ANK2: variants seen among roughly 807,000 people sequenced by gnomAD.
ANK2 encodes the protein ankyrin-2.
A neutral mutation model predicts 360.5 loss-of-function variants in ANK2; 83 were observed. The observed-to-expected ratio is 0.23, with a 90% CI of 0.19 to 0.28. The LOEUF is 0.28. Ranked by LOEUF, ANK2 falls within the 10% of genes least tolerant of loss-of-function variation. The pLI is 1.00. For missense variants in ANK2, 4,201 were observed against 4,795.7 expected, an observed-to-expected ratio of 0.88 and a Z score of 3.66; for synonymous variants, 1,740 against 1,759.5, an observed-to-expected ratio of 0.99 and a Z score of 0.28.
chr4:112,793,510 A>G, the ANK2 span, among the ~76,000 whole-genome samples: 1 of 152,234 alleles, frequency 6.6e-6, no homozygotes, highest in East Asian at 1.9e-4. Context: ...AACCCCTGTT[A>G]ATAATTTTGT....
intron 10 of ANK2, among the ~76,000 whole-genome samples, chr4:113,251,864 T>G (rs750875925): frequency 1.3e-5 from 2 of 152,038 alleles, no homozygotes; most frequent in African/African-American, 2.4e-5. Context: ...AAAATAGAGA[T>G]ATGTATAGGG....
intron 1 of ANK2, among the ~76,000 whole-genome samples, chr4:112,831,054 C>T (rs545669376): frequency 1.1e-4 from 16 of 152,360 alleles, no homozygotes; most frequent in African/African-American, 3.8e-4. Context: ...TAGGGCAGGG[C>T]TCGGGACCTG....
intron 1 of ANK2, among the ~76,000 whole-genome samples, chr4:113,086,857 C>T (rs537541663): frequency 2.2e-4 from 33 of 152,208 alleles, no homozygotes; most frequent in Admixed American, 1.8e-3. Flanking sequence ...ACTCGCTTGG[C>T]ATGCTGGAGG....
chr4:113,333,247 G>A (rs374897538), intron 29 of ANK2, 39 bp downstream of exon 29: 242 of 1,611,562 alleles, frequency 1.5e-4, no homozygotes, highest in Non-Finnish European at 2.0e-4. Flanking sequence ...AATCTAAACT[G>A]GAAGCATGAA....
At chr4:112,845,297 A>G (rs555001461) in intron 1 of ANK2, among the ~76,000 whole-genome samples, 1 of 148,938 alleles carries the variant, frequency 6.7e-6, no homozygotes, top group African/African-American at 2.5e-5. Context: ...GGGCTCAAAT[A>G]TTGATGAACA....
intron 2 of ANK2, among the ~76,000 whole-genome samples, chr4:112,950,975 G>A (rs2094928165): frequency 6.7e-6 from 1 of 148,458 alleles, no homozygotes; most frequent in Non-Finnish European, 1.5e-5. Flanking sequence ...CCAGCTACTT[G>A]GGAGGCTGAG....
intron 1 of ANK2, among the ~76,000 whole-genome samples, chr4:113,170,715 T>G (rs562132183): frequency 6.6e-6 from 1 of 152,324 alleles, no homozygotes; most frequent in South Asian, 2.1e-4. Context: ...CTGCCTTTCA[T>G]GTCCACACTG....
upstream of ANK2, among the ~76,000 whole-genome samples, chr4:113,048,529 T>TC (rs1382045269): frequency 6.7e-6 from 1 of 150,126 alleles, no homozygotes; most frequent in Non-Finnish European, 1.5e-5. Flanking sequence ...TGCCTTGGCC[T>TC]CCCAAAATGC....
intron 39 of ANK2, among the ~76,000 whole-genome samples, chr4:113,362,986 ATCAG>A (rs2096309699): frequency 6.6e-6 from 1 of 152,176 alleles, no homozygotes; most frequent in Admixed American, 6.5e-5. Flanking sequence ...TTCTTTTGTT[ATCAG>A]TCATTTATTT....
At chr4:112,736,959 G>C in the ANK2 span, among the ~76,000 whole-genome samples, 1 of 152,330 alleles carries the variant, frequency 6.6e-6, no homozygotes, top group East Asian at 1.9e-4. Context: ...GTAGTGGTAA[G>C]TAGTGGTGGT....
chr4:112,729,639 T>C, the ANK2 span, among the ~76,000 whole-genome samples: 4 of 151,612 alleles, frequency 2.6e-5, no homozygotes, highest in Non-Finnish European at 5.9e-5. Flanking sequence ...TCCCAGCTAC[T>C]TGGGAGGCTG....
intron 4 of ANK2, among the ~76,000 whole-genome samples, chr4:113,202,583 A>G (rs1173186106): frequency 4.6e-5 from 7 of 152,242 alleles, no homozygotes; most frequent in African/African-American, 7.2e-5. Flanking sequence ...CAAACTTCCG[A>G]GTTATTTGCA....
At chr4:113,156,983 A>G (rs2097327103) in intron 1 of ANK2, among the ~76,000 whole-genome samples, 1 of 152,024 alleles carries the variant, frequency 6.6e-6, no homozygotes, top group South Asian at 2.1e-4. Context: ...AAGAGCAAAA[A>G]AGGCATGAAA....
intron 1 of ANK2, among the ~76,000 whole-genome samples, chr4:112,881,498 C>T (rs1033050453): frequency 6.6e-6 from 1 of 152,180 alleles, no homozygotes; most frequent in Non-Finnish European, 1.5e-5. Context: ...GCTAGATATT[C>T]AAAGTCCTTT....
At chr4:113,137,209 T>G (rs1392911784) in intron 1 of ANK2, among the ~76,000 whole-genome samples, 3 of 152,204 alleles carry the variant, frequency 2.0e-5, no homozygotes, top group Non-Finnish European at 4.4e-5. Flanking sequence ...TCTCCTTGGC[T>G]AAGGCGCATG....
At chr4:112,900,249 T>A (rs1041724586) in intron 1 of ANK2, among the ~76,000 whole-genome samples, 1 of 152,150 alleles carries the variant, frequency 6.6e-6, no homozygotes, top group Non-Finnish European at 1.5e-5. Flanking sequence ...GTAAGACATT[T>A]AAAAAAACCA....
At chr4:113,370,823 C>T (rs1293194924) in intron 43 of ANK2, among the ~76,000 whole-genome samples, 9 of 152,054 alleles carry the variant, frequency 5.9e-5, no homozygotes, top group African/African-American at 7.2e-5. Flanking sequence ...AGTTCACATA[C>T]GTCAGAATTG....
the ANK2 span, among the ~76,000 whole-genome samples, chr4:112,764,614 T>C: frequency 3.9e-5 from 6 of 152,118 alleles, no homozygotes; most frequent in Non-Finnish European, 8.8e-5. Flanking sequence ...AGTGCTGGGA[T>C]TACAGGTGTG....
chr4:113,212,766 C>G (rs920838297), intron 4 of ANK2, among the ~76,000 whole-genome samples: 5 of 152,214 alleles, frequency 3.3e-5, no homozygotes, highest in Non-Finnish European at 5.9e-5. Context: ...TAGAACAATG[C>G]CTGGCAATTC....
Sources: allele counts gnomAD v4.1 joint callset (sites outside exome capture counted in the v4.1 genomes callset), GRCh38; gene constraint gnomAD v4.1.1; transcripts MANE v1.5; gene names NCBI Gene and HGNC (gene_info 2026-07-23, HGNC 2026-07-21).